Variants in COBLL1 observed in about 807,000 individuals in gnomAD.
The protein encoded by COBLL1 is cordon-bleu WH2 repeat protein like 1, also known as cordon-bleu protein-like 1.
In COBLL1, 50 loss-of-function variants were observed where a neutral mutation model predicts 94.8. That is an observed-to-expected ratio of 0.53 (90% CI 0.42 to 0.67). The LOEUF (loss-of-function observed/expected upper bound fraction) is 0.67, where lower values mean the gene tolerates loss of function less well. COBLL1 is among the 30% of genes least tolerant of loss of function. The pLI is 0.00. For missense variants in COBLL1, 1,362 were observed against 1,348.7 expected (o/e 1.01, Z -0.15); for synonymous variants, 448 against 473.8 (o/e 0.95, Z 0.71).
chr2:164,757,688 T>C (rs1019958418), intron 2 of COBLL1, among the ~76,000 whole-genome samples: 4 of 152,012 alleles, frequency 2.6e-5, no homozygotes, highest in Non-Finnish European at 5.9e-5. Flanking sequence ...GGTTCATGTC[T>C]ACAGTTTCAG....
intron 2 of COBLL1, among the ~76,000 whole-genome samples, chr2:164,810,625 A>C (rs2105338484): frequency 6.6e-6 from 1 of 151,848 alleles, no homozygotes; most frequent in South Asian, 2.1e-4. Context: ...ATATTTTAGT[A>C]ATTTATAATT....
chr2:164,804,222 A>C (rs1683973136), intron 2 of COBLL1, among the ~76,000 whole-genome samples: 1 of 152,084 alleles, frequency 6.6e-6, no homozygotes. Flanking sequence ...GGAAAGTAAG[A>C]CCAGAGACAG....
intron 3 of COBLL1, among the ~76,000 whole-genome samples, chr2:164,737,682 C>A (rs1209891173): frequency 1.3e-5 from 2 of 152,140 alleles, no homozygotes; most frequent in East Asian, 1.9e-4. Flanking sequence ...ATGACGTGAA[C>A]TTCAGAAATT....
intron 2 of COBLL1, among the ~76,000 whole-genome samples, chr2:164,823,619 C>A (rs909196165): frequency 6.6e-6 from 1 of 152,198 alleles, no homozygotes; most frequent in East Asian, 1.9e-4. Flanking sequence ...TAATTATACA[C>A]GCAGACACCT....
At chr2:164,762,073 T>C (rs918179509) in intron 2 of COBLL1, among the ~76,000 whole-genome samples, 2 of 152,246 alleles carry the variant, frequency 1.3e-5, no homozygotes, top group Non-Finnish European at 2.9e-5. Context: ...TGCTAGCTCA[T>C]TTGCTCTTCA....
intron 7 of COBLL1, among the ~76,000 whole-genome samples, chr2:164,709,351 T>C (rs960166559): frequency 1.3e-5 from 2 of 152,152 alleles, no homozygotes; most frequent in Non-Finnish European, 2.9e-5. Flanking sequence ...ACCCTTACCA[T>C]GTTGTGCATG....
chr2:164,690,501 G>A (rs1683534811), intron 13 of COBLL1, among the ~76,000 whole-genome samples: 1 of 152,188 alleles, frequency 6.6e-6, no homozygotes, highest in African/African-American at 2.4e-5. Flanking sequence ...GGACTGCCAA[G>A]TCAGGGTCCA....
At chr2:164,660,426 C>T (rs151199015) in intron 2 of COBLL1, among the ~76,000 whole-genome samples, 33 of 152,184 alleles carry the variant, frequency 2.2e-4, no homozygotes, top group African/African-American at 7.2e-4. Flanking sequence ...ATACTGCAAC[C>T]TGATTCAGGA....
intron 2 of COBLL1, among the ~76,000 whole-genome samples, chr2:164,834,732 T>A (rs908505682): frequency 6.6e-5 from 10 of 152,310 alleles, no homozygotes; most frequent in Admixed American, 5.9e-4. Flanking sequence ...AATATGCAAA[T>A]GAGCATGGGT....
chr2:164,749,568 C>T (rs1328303077), intron 2 of COBLL1, among the ~76,000 whole-genome samples: 5 of 152,138 alleles, frequency 3.3e-5, no homozygotes, highest in African/African-American at 9.7e-5. Flanking sequence ...TTCTCAGTTT[C>T]TCTGTCTGGG....
At chr2:164,762,355 C>T (rs1056654078) in intron 2 of COBLL1, among the ~76,000 whole-genome samples, 2 of 152,160 alleles carry the variant, frequency 1.3e-5, no homozygotes, top group African/African-American at 4.8e-5. Flanking sequence ...ACTCAAAGTA[C>T]TTTCAATGTA....
Position 164,722,169 on chromosome 2 carries a change from G to A in COBLL1, c.902C>T (p.Pro301Leu). ...KKRRAPLPPM[P>L]ASQSVPQDLA... ...GTCTTGGGGGACACTCTGAGATGCT[G>A]GCATCGGGGGCAGTGGAGCCCGCCT... Residue 301 changes from proline (P) to leucine (L), a missense_variant, in exon 7 of 14, where the codon CCA becomes CTA. Transcript: ENST00000652658. 2 of 1,614,122 alleles carry A rather than the reference G, an allele frequency of 1.2e-6. No homozygotes were observed. The highest frequency in any genetic ancestry group is 4.5e-5 in the East Asian group (2 of 44,862).
intron 1 of COBLL1, among the ~76,000 whole-genome samples, chr2:164,668,749 A>G (rs1283270593): frequency 1.3e-5 from 2 of 152,156 alleles, no homozygotes; most frequent in South Asian, 2.1e-4. Flanking sequence ...GATTATAATT[A>G]TTTGAAGGAG....
downstream of COBLL1, among the ~76,000 whole-genome samples, chr2:164,678,695 G>T (rs533338409): frequency 9.5e-4 from 145 of 152,124 alleles, 2 homozygotes; most frequent in African/African-American, 3.4e-3. Context: ...AACTAATAAT[G>T]AGCTAGTATC....
At chr2:164,720,743 G>A (rs1010592097) in intron 7 of COBLL1, among the ~76,000 whole-genome samples, 13 of 152,036 alleles carry the variant, frequency 8.6e-5, no homozygotes, top group African/African-American at 2.7e-4. Flanking sequence ...ACATTCCTGC[G>A]TCTCTTAACA....
At chr2:164,810,524 A>G (rs1684413334) in intron 2 of COBLL1, among the ~76,000 whole-genome samples, 2 of 151,652 alleles carry the variant, frequency 1.3e-5, no homozygotes, top group African/African-American at 4.8e-5. Flanking sequence ...TAGGATCCAA[A>G]TTTTTAAAAC....
intron 9 of COBLL1, 125 bp downstream of exon 9, chr2:164,704,319 T>C (rs1345083622): frequency 4.4e-6 from 3 of 681,048 alleles, no homozygotes; most frequent in Non-Finnish European, 7.8e-6. Flanking sequence ...TAATAAAAAT[T>C]TGGGAAATGA....
chr2:164,749,045 A>T (rs1326552798), intron 2 of COBLL1, among the ~76,000 whole-genome samples: 2 of 152,158 alleles, frequency 1.3e-5, no homozygotes, highest in Non-Finnish European at 2.9e-5. Context: ...CTCCAAAATC[A>T]TGTGCCCACT....
chr2:164,723,699 T>C (rs911908251), intron 5 of COBLL1: 1 of 152,192 alleles, frequency 6.6e-6, no homozygotes, highest in Non-Finnish European at 1.5e-5. Flanking sequence ...TTCACCTTTG[T>C]GTTATGCTAG....
Sources: gnomAD v4.1 joint callset for allele counts (sites outside exome capture counted in the v4.1 genomes callset) on GRCh38, gnomAD v4.1.1 for gene constraint, MANE v1.5 for transcripts, NCBI Gene and HGNC (gene_info 2026-07-23, HGNC 2026-07-21) for gene names.